Variants in MAF observed in about 807,000 individuals in gnomAD.
The protein encoded by MAF is transcription factor Maf.
MAF carries 10 observed loss-of-function variants against 22.0 expected under a neutral mutation model. That is an observed-to-expected ratio of 0.45 (90% CI 0.28 to 0.77). MAF has a LOEUF of 0.77. Among genes scored for constraint, MAF ranks in the 30% least tolerant of loss-of-function variants. MAF has a pLI of 0.12. For synonymous variants in MAF, 337 were observed against 255.8 expected, an observed-to-expected ratio of 1.32 and a Z score of -3.03; for missense variants, 544 against 548.4, an observed-to-expected ratio of 0.99 and a Z score of 0.08.
chr16:79,528,456 C>T, the MAF span, among the ~76,000 whole-genome samples: 1 of 152,288 alleles, frequency 6.6e-6, no homozygotes, highest in East Asian at 1.9e-4. Context: ...TGGGTAGGAA[C>T]TGAGCAGAAT....
chr16:79,239,397 G>T, the MAF span, among the ~76,000 whole-genome samples: 1 of 151,990 alleles, frequency 6.6e-6, no homozygotes, highest in Admixed American at 6.6e-5. Flanking sequence ...GGAATGAGTT[G>T]GTTATCCAAC....
chr16:79,352,964 A>G, the MAF span, among the ~76,000 whole-genome samples: 2 of 152,206 alleles, frequency 1.3e-5, no homozygotes, highest in Admixed American at 1.3e-4. Context: ...ATATGTCAGT[A>G]TAATTCAAAA....
the MAF span, among the ~76,000 whole-genome samples, chr16:79,362,816 C>G: frequency 1.5e-4 from 23 of 152,306 alleles, no homozygotes; most frequent in East Asian, 3.9e-3. Flanking sequence ...CAGACCTGCT[C>G]AAAGCAAGTG....
chr16:79,300,313 T>G, the MAF span, among the ~76,000 whole-genome samples: 5 of 152,130 alleles, frequency 3.3e-5, no homozygotes, highest in African/African-American at 1.2e-4. Flanking sequence ...TCCCAGCACT[T>G]TGGGAGGCCG....
At chr16:79,244,319 A>G in the MAF span, among the ~76,000 whole-genome samples, 2 of 152,044 alleles carry the variant, frequency 1.3e-5, no homozygotes, top group Non-Finnish European at 2.9e-5. Flanking sequence ...AGAAAACCCC[A>G]TCATCTCAGC....
At chr16:79,372,438 C>T in the MAF span, among the ~76,000 whole-genome samples, 108 of 152,138 alleles carry the variant, frequency 7.1e-4, no homozygotes, top group Non-Finnish European at 1.0e-3. Context: ...GAGACCAGCT[C>T]GACAAAAGGC....
chr16:79,432,605 A>G, the MAF span, among the ~76,000 whole-genome samples: 1 of 152,228 alleles, frequency 6.6e-6, no homozygotes, highest in Non-Finnish European at 1.5e-5. Context: ...AGGGGGGAAC[A>G]TTGTATTTCA....
chr16:79,213,620 G>C, the MAF span, among the ~76,000 whole-genome samples: 1 of 152,146 alleles, frequency 6.6e-6, no homozygotes, highest in Admixed American at 6.5e-5. Flanking sequence ...CCATCATAGG[G>C]AACGGCTCCT....
chr16:79,546,789 G>A, the MAF span, among the ~76,000 whole-genome samples: 1 of 152,086 alleles, frequency 6.6e-6, no homozygotes, highest in Non-Finnish European at 1.5e-5. Flanking sequence ...AAGAGAAAAG[G>A]CACATAAAGA....
chr16:79,280,202 A>T, the MAF span, among the ~76,000 whole-genome samples: 1 of 152,224 alleles, frequency 6.6e-6, no homozygotes, highest in African/African-American at 2.4e-5. Flanking sequence ...GTGTTGGTTA[A>T]CCGGGCTTGC....
the MAF span, among the ~76,000 whole-genome samples, chr16:79,232,457 C>T: frequency 6.6e-6 from 1 of 152,022 alleles, no homozygotes; most frequent in Admixed American, 6.6e-5. Context: ...TCGACAATTT[C>T]TCTTTTATAT....
chr16:79,362,284 G>C, the MAF span, among the ~76,000 whole-genome samples: 1 of 152,184 alleles, frequency 6.6e-6, no homozygotes, highest in Non-Finnish European at 1.5e-5. Flanking sequence ...GTTTGTGTTA[G>C]CGTGCAGCAT....
the MAF span, chr16:79,212,034 T>C: frequency 1.3e-6 from 2 of 1,536,230 alleles, no homozygotes; most frequent in Non-Finnish European, 1.7e-6. Context: ...TTTCTGGTGG[T>C]GGCCTGTTTG....
At chr16:79,476,917 T>G in the MAF span, among the ~76,000 whole-genome samples, 2 of 152,160 alleles carry the variant, frequency 1.3e-5, no homozygotes, top group Non-Finnish European at 2.9e-5. Context: ...AGAGTGGCCT[T>G]TGAGAGTCGC....
chr16:79,360,783 G>C, the MAF span, among the ~76,000 whole-genome samples: 1 of 152,110 alleles, frequency 6.6e-6, no homozygotes, highest in Non-Finnish European at 1.5e-5. Flanking sequence ...GTGGAACAAG[G>C]ACTTGGCCTG....
chr16:79,557,111 C>T, the MAF span, among the ~76,000 whole-genome samples: 2 of 151,936 alleles, frequency 1.3e-5, no homozygotes, highest in African/African-American at 4.9e-5. Context: ...CAGCACCCAG[C>T]TCACGTACAA....
the MAF span, among the ~76,000 whole-genome samples, chr16:79,451,924 T>C: frequency 1.3e-5 from 2 of 152,222 alleles, 1 homozygote; most frequent in Non-Finnish European, 2.9e-5. Context: ...AGCACTTACA[T>C]GTGTGCAGAG....
the MAF span, among the ~76,000 whole-genome samples, chr16:79,225,636 G>C: frequency 7.9e-5 from 12 of 152,034 alleles, no homozygotes; most frequent in Admixed American, 2.6e-4. Flanking sequence ...ATCTGACAAA[G>C]GGCTAATATC....
the MAF span, among the ~76,000 whole-genome samples, chr16:79,456,119 C>A: frequency 6.6e-6 from 1 of 152,052 alleles, no homozygotes; most frequent in Non-Finnish European, 1.5e-5. Context: ...TAAACGCTGC[C>A]CATGTCTCTA....
Sources: allele counts gnomAD v4.1 joint callset (sites outside exome capture counted in the v4.1 genomes callset), GRCh38; gene constraint gnomAD v4.1.1; transcripts MANE v1.5; gene names NCBI Gene and HGNC (gene_info 2026-07-23, HGNC 2026-07-21).